HAO2: variants seen among roughly 807,000 people sequenced by gnomAD.
The protein encoded by HAO2 is hydroxyacid oxidase 2.
In HAO2, 42 loss-of-function variants were observed where a neutral mutation model predicts 37.4. That is an observed-to-expected ratio of 1.12 (90% CI 0.88 to 1.45). The LOEUF is 1.45. HAO2 is among the 40% of genes most tolerant of loss of function. The pLI, the probability that HAO2 is intolerant of heterozygous loss-of-function variation, is 0.00. For synonymous variants in HAO2, 180 were observed against 162.8 expected (o/e 1.11, Z -0.81); for missense variants, 476 against 430.2 (o/e 1.11, Z -0.94).
intron 5 of HAO2, 109 bp downstream of exon 5, chr1:119,386,940 T>C (rs1650432414): frequency 1.4e-6 from 1 of 712,878 alleles, no homozygotes; most frequent in Admixed American, 2.0e-5. Flanking sequence ...TTCACTCCTC[T>C]GTACCACATG....
At chr1:119,371,099 G>C (rs587676622) in intron 1 of HAO2, among the ~76,000 whole-genome samples, 15 of 152,268 alleles carry the variant, frequency 9.9e-5, no homozygotes, top group Admixed American at 8.5e-4. Context: ...AATTGACCAA[G>C]CTCATTTTAT....
At chr1:119,387,735 G>C (rs1650501855) in intron 5 of HAO2, among the ~76,000 whole-genome samples, 1 of 152,102 alleles carries the variant, frequency 6.6e-6, no homozygotes, top group Admixed American at 6.6e-5. Context: ...ATGGTATGTA[G>C]TATGAACAGA....
intron 1 of HAO2, among the ~76,000 whole-genome samples, chr1:119,375,016 A>C (rs975808446): frequency 3.3e-5 from 5 of 152,222 alleles, no homozygotes; most frequent in Admixed American, 2.0e-4. Context: ...AAAAGCCTAA[A>C]GAGGTTCAAG....
chr1:119,381,483 C>T (rs1294005621), intron 2 of HAO2, among the ~76,000 whole-genome samples: 1 of 152,154 alleles, frequency 6.6e-6, no homozygotes, highest in Non-Finnish European at 1.5e-5. Flanking sequence ...CAAGATAGAA[C>T]AAGAGTCCCA....
chr1:119,380,989 A>G, intron 1 of HAO2, 89 bp from the exon 2 acceptor site: 1 of 1,151,066 alleles, frequency 8.7e-7, no homozygotes, highest in Non-Finnish European at 1.3e-6. Context: ...AATCCAAACA[A>G]TTTCATACTG....
rs370380040 is a variant in HAO2, at chr1:119,392,660, G to A, written c.973G>A (p.Glu325Lys). The A allele has an allele frequency of 2.3e-5, 37 of 1,608,302 alleles. No homozygotes were observed. The South Asian group carries it at 3.0e-4, about 13-fold the overall frequency. The change falls in exon 7 of 8, where the codon GAG (glutamate) becomes AAG (lysine). Residue 325 changes from glutamate (E) to lysine (K), a missense_variant. Physicochemically the swap from Glu to Lys is moderately conservative, Grantham distance 56. Transcript: ENST00000325945. ...GGAAGTTTTGAACATTTTAACAAAT[G>A]AGTTCCACACTTCCATGGCCCTTAC... ...VKEVLNILTN[E>K]FHTSMALTGC...
chr1:119,375,313 T>C (rs1456822514), intron 1 of HAO2, among the ~76,000 whole-genome samples: 1 of 152,140 alleles, frequency 6.6e-6, no homozygotes, highest in Non-Finnish European at 1.5e-5. Flanking sequence ...TGTGCTAAGT[T>C]CTTCACTTCC....
At chr1:119,378,740 T>C (rs1353612099) in intron 1 of HAO2, among the ~76,000 whole-genome samples, 1 of 152,234 alleles carries the variant, frequency 6.6e-6, no homozygotes, top group Admixed American at 6.5e-5. Context: ...ATTTATATGC[T>C]AGAATTGTGT....
chr1:119,370,455 G>C (rs587752965), intron 1 of HAO2: 9 of 152,308 alleles, frequency 5.9e-5, no homozygotes, highest in Non-Finnish European at 1.2e-4. Context: ...GAGGAATAAT[G>C]AACATGGAGC....
At position 119,392,682 on chromosome 1, in the gene HAO2, T is replaced by G; in HGVS notation, c.995T>G (p.Leu332Arg). ...LTNEFHTSMA[L>R]TGCRSVAEIN... The stretch of plus-strand genomic sequence containing the variant: ...AATGAGTTCCACACTTCCATGGCCC[T>G]TACAGGTAAGTTAACATGTTTTCCC... The change falls in exon 7 of 8, where the codon CTT becomes CGT. Residue 332 changes from leucine to arginine, a missense_variant. Physicochemically the swap from Leu to Arg is moderately radical, Grantham distance 102. Coordinates refer to ENST00000325945, the MANE Select transcript of HAO2 (RefSeq NM_016527.4). 1 of 1,589,404 alleles carries G rather than the reference T, an allele frequency of 6.3e-7. No individual in the cohort carries two copies. The highest frequency in any genetic ancestry group is 1.1e-5 in the South Asian group (1 of 90,540).
At position 119,393,860 on chromosome 1, in the gene HAO2, A is replaced by G. The variant is rs750608179; in HGVS notation, c.*20A>G. 2 of 1,612,292 alleles carry G rather than the reference A, an allele frequency of 1.2e-6. No individual in the cohort carries two copies. The highest frequency in any genetic ancestry group is 1.3e-5 in the African/African-American group (1 of 74,848). ...CTGTAAGAAAAAAGGGCCAATAACC[A>G]GACTGCTGAGGTTGCCCACAGGAGG... On this transcript the variant is annotated 3_prime_UTR_variant, in exon 8 of 8. Transcript: ENST00000325945.
chr1:119,376,161 T>C (rs967198727), intron 1 of HAO2, among the ~76,000 whole-genome samples: 1 of 152,164 alleles, frequency 6.6e-6, no homozygotes, highest in Non-Finnish European at 1.5e-5. Flanking sequence ...AGCAAGTTAG[T>C]TACTTCCTAG....
intron 5 of HAO2, 102 bp downstream of exon 5, chr1:119,386,933 A>C (rs1385627558): frequency 1.4e-6 from 1 of 734,120 alleles, no homozygotes; most frequent in Non-Finnish European, 2.5e-6. Context: ...AGCATATTTC[A>C]CTCCTCTGTA....
intron 1 of HAO2, among the ~76,000 whole-genome samples, chr1:119,376,840 G>T (rs1649508732): frequency 6.6e-6 from 1 of 152,148 alleles, no homozygotes; most frequent in African/African-American, 2.4e-5. Flanking sequence ...AGGGCAACCA[G>T]TCCTGAGACT....
Position 119,386,752 on chromosome 1 carries a change from A to G in HAO2, c.692A>G (p.Glu231Gly). Residue 231 changes from glutamate to glycine, a missense_variant, in exon 5 of 8, where the codon GAG becomes GGG. Glu to Gly is a moderately conservative substitution (Grantham distance 98). Coordinates refer to ENST00000325945, the MANE Select transcript of HAO2 (RefSeq NM_016527.4). Reference protein sequence around the residue: ...LKGILTKEDAELAVKHNVQGI... With the variant: ...LKGILTKEDAGLAVKHNVQGI... ...GGGATTTTGACAAAAGAGGATGCAG[A>G]GTTAGCTGTGAAGCACAATGTCCAG... 1 of 1,613,786 alleles carries G rather than the reference A, an allele frequency of 6.2e-7. No individual in the cohort carries two copies. The highest frequency in any genetic ancestry group is 8.5e-7 in the Non-Finnish European group (1 of 1,179,666).
At chr1:119,393,402 C>T (rs1343766046) in intron 7 of HAO2, among the ~76,000 whole-genome samples, 1 of 152,114 alleles carries the variant, frequency 6.6e-6, no homozygotes, top group Non-Finnish European at 1.5e-5. Flanking sequence ...ATGTGGAATA[C>T]TCACCCCATC....
At chr1:119,384,580 G>A (rs761887244) in intron 3 of HAO2, among the ~76,000 whole-genome samples, 196 bp from the exon 4 acceptor site, 16 of 152,276 alleles carry the variant, frequency 1.1e-4, no homozygotes, top group East Asian at 5.8e-4. Flanking sequence ...TTATACAGAG[G>A]AGAACCCAAA....
At chr1:119,379,181 G>A (rs1196937887) in intron 1 of HAO2, among the ~76,000 whole-genome samples, 1 of 152,142 alleles carries the variant, frequency 6.6e-6, no homozygotes, top group African/African-American at 2.4e-5. Context: ...TTACCTACCT[G>A]AGCAGGTCAG....
chr1:119,389,760 G>T (rs1650724577), intron 5 of HAO2, among the ~76,000 whole-genome samples: 2 of 151,722 alleles, frequency 1.3e-5, no homozygotes, highest in South Asian at 4.2e-4. Flanking sequence ...TCTGCAGACT[G>T]TTCCTCTGCC....
Sources: gnomAD v4.1 joint callset for allele counts (sites outside exome capture counted in the v4.1 genomes callset) on GRCh38, gnomAD v4.1.1 for gene constraint, MANE v1.5 for transcripts, NCBI Gene and HGNC (gene_info 2026-07-23, HGNC 2026-07-21) for gene names.